The following RAB38 variants were observed in gnomAD, a reference collection of about 807,000 sequenced individuals.
The protein encoded by RAB38 is RAB38, member RAS oncogene family.
Under a neutral mutation model 18.4 loss-of-function variants are expected in RAB38, and 15 were observed. The ratio of observed to expected loss-of-function variants is 0.82; its 90% CI spans 0.55 to 1.26. The LOEUF is 1.26. Ranked by LOEUF, RAB38 falls within the 50% of genes most tolerant of loss-of-function variation. RAB38 has a pLI of 0.00. For missense variants in RAB38, 294 were observed against 267.4 expected, an observed-to-expected ratio of 1.10 and a Z score of -0.69; for synonymous variants, 101 against 104.4, an observed-to-expected ratio of 0.97 and a Z score of 0.20.
At chr11:88,028,209 C>G in the RAB38 span, among the ~76,000 whole-genome samples, 1 of 152,130 alleles carries the variant, frequency 6.6e-6, no homozygotes, top group Non-Finnish European at 1.5e-5. Flanking sequence ...AAAGGACATC[C>G]ACACCAAAAA....
the RAB38 span, among the ~76,000 whole-genome samples, chr11:88,032,838 A>G: frequency 1.3e-5 from 2 of 152,212 alleles, no homozygotes; most frequent in Non-Finnish European, 2.9e-5. Context: ...AGGGATCTAG[A>G]ACTAGAAATA....
rs771843338 is a variant in RAB38, at chr11:88,175,182, C to A, written c.202+1G>T. ...CCCTGACCCCCTCCCCCCGCGCTCA[C>A]CTGCGATATCCCAGAGCTGCAGGCG... is the stretch of plus-strand genomic sequence containing the variant. On this transcript the variant is annotated splice_donor_variant, in intron 1 of 2. Transcript: ENST00000243662. LOFTEE classifies it high-confidence loss of function. The A allele has an allele frequency of 1.2e-6, 2 of 1,602,122 alleles. No individual in the cohort carries two copies. Among genetic ancestry groups the A allele is most frequent in the Non-Finnish European group, 8.5e-7 (1 of 1,173,396 alleles).
the RAB38 span, among the ~76,000 whole-genome samples, chr11:88,095,654 A>T: frequency 6.6e-6 from 1 of 151,890 alleles, no homozygotes; most frequent in Non-Finnish European, 1.5e-5. Flanking sequence ...ATGAATTCCA[A>T]AGTTTTAACT....
At chr11:87,823,785 T>C in the RAB38 span, among the ~76,000 whole-genome samples, 107 of 152,196 alleles carry the variant, frequency 7.0e-4, no homozygotes, top group African/African-American at 2.5e-3. Flanking sequence ...AAATATGATA[T>C]GTTCATACAA....
chr11:88,093,314 A>G, the RAB38 span, among the ~76,000 whole-genome samples: 8 of 151,916 alleles, frequency 5.3e-5, no homozygotes, highest in Non-Finnish European at 1.0e-4. Flanking sequence ...TGTTCAGAAC[A>G]GGCAAATCCA....
At chr11:88,026,716 T>G in the RAB38 span, among the ~76,000 whole-genome samples, 3 of 152,064 alleles carry the variant, frequency 2.0e-5, no homozygotes, top group Admixed American at 6.6e-5. Context: ...GTGTTGTTTA[T>G]AGAAGAATGA....
At chr11:87,969,334 C>T in the RAB38 span, among the ~76,000 whole-genome samples, 1 of 152,066 alleles carries the variant, frequency 6.6e-6, no homozygotes, top group Admixed American at 6.6e-5. Flanking sequence ...TGAAAACTTC[C>T]ATATCCAAAC....
At chr11:88,027,944 A>C in the RAB38 span, among the ~76,000 whole-genome samples, 117,074 of 152,060 alleles carry the variant, frequency 0.77, 45,573 homozygotes, top group African/African-American at 0.88. Flanking sequence ...TCCCTGACCC[A>C]TGACCCCTGA....
chr11:87,957,087 T>C, the RAB38 span, among the ~76,000 whole-genome samples: 2,244 of 152,228 alleles, frequency 0.015, 40 homozygotes, highest in East Asian at 0.062. Context: ...TCTATTGTTA[T>C]AGCACTGTAA....
At chr11:88,052,534 G>A in the RAB38 span, among the ~76,000 whole-genome samples, 2 of 152,064 alleles carry the variant, frequency 1.3e-5, no homozygotes, top group African/African-American at 4.8e-5. Context: ...GCTTACTTAG[G>A]TCTTGTTCAT....
the RAB38 span, among the ~76,000 whole-genome samples, chr11:88,003,526 GTATAATAGATTGTATATATTATATATTA>G: frequency 0.076 from 51 of 668 alleles, 23 homozygotes; most frequent in South Asian, 0.29. Context: ...ATTATATATT[GTATAATAGATTGTATATATTATATATTA>G]TATAATAGAT....
chr11:88,162,645 T>C (rs1469237056), intron 1 of RAB38, among the ~76,000 whole-genome samples: 2 of 152,100 alleles, frequency 1.3e-5, no homozygotes, highest in African/African-American at 2.4e-5. Flanking sequence ...TCCAGAATTA[T>C]CACTAGGAAC....
chr11:88,018,233 C>T, the RAB38 span, among the ~76,000 whole-genome samples: 1 of 152,108 alleles, frequency 6.6e-6, no homozygotes, highest in African/African-American at 2.4e-5. Context: ...CAGTCTGTAC[C>T]CGTATACACT....
At chr11:88,071,389 G>GT in the RAB38 span, among the ~76,000 whole-genome samples, 4 of 152,244 alleles carry the variant, frequency 2.6e-5, no homozygotes, top group South Asian at 8.3e-4. Context: ...AAGATCTACT[G>GT]TTTCTGGGAG....
the RAB38 span, among the ~76,000 whole-genome samples, chr11:87,836,501 G>T: frequency 6.6e-6 from 1 of 151,922 alleles, no homozygotes. Context: ...CATGCCCTTT[G>T]CTACTATCTG....
At chr11:88,065,734 G>T in the RAB38 span, among the ~76,000 whole-genome samples, 1 of 152,180 alleles carries the variant, frequency 6.6e-6, no homozygotes, top group South Asian at 2.1e-4. Context: ...AGGATTAAAT[G>T]AGTATATGAA....
the RAB38 span, among the ~76,000 whole-genome samples, chr11:88,031,217 T>A: frequency 6.6e-6 from 1 of 152,170 alleles, no homozygotes; most frequent in African/African-American, 2.4e-5. Context: ...TAGATATTGA[T>A]GGGACGTATC....
At chr11:88,072,223 A>G in the RAB38 span, among the ~76,000 whole-genome samples, 6 of 152,262 alleles carry the variant, frequency 3.9e-5, no homozygotes, top group Non-Finnish European at 8.8e-5. Context: ...GAAAGAGTCA[A>G]GTGGAATTTG....
the RAB38 span, among the ~76,000 whole-genome samples, chr11:87,967,882 G>C: frequency 6.6e-6 from 1 of 152,166 alleles, no homozygotes; most frequent in Non-Finnish European, 1.5e-5. Flanking sequence ...CGGTGGGTAG[G>C]AGGGTTGGGG....
Sources: allele counts gnomAD v4.1 joint callset (sites outside exome capture counted in the v4.1 genomes callset), GRCh38; gene constraint gnomAD v4.1.1; transcripts MANE v1.5; gene names NCBI Gene and HGNC (gene_info 2026-07-23, HGNC 2026-07-21).